The following DYSF variants were observed in gnomAD, a reference collection of about 807,000 sequenced individuals.
The protein encoded by DYSF is dystrophy-associated fer-1-like 1.
In DYSF, 212 loss-of-function variants were observed where a neutral mutation model predicts 274.9. That is an observed-to-expected ratio of 0.77 (90% CI 0.69 to 0.86). DYSF has a LOEUF of 0.86. DYSF is among the 40% of genes least tolerant of loss of function. DYSF has a pLI of 0.00. For missense variants in DYSF, 2,666 were observed against 2,783.2 expected (o/e 0.96, Z 0.95); for synonymous variants, 1,091 against 1,078.7 (o/e 1.01, Z -0.22).
chr2:71,546,423 T>G (rs1039260483), intron 17 of DYSF, among the ~76,000 whole-genome samples: 3 of 152,228 alleles, frequency 2.0e-5, no homozygotes, highest in African/African-American at 7.2e-5. Context: ...GTTTTTCTGT[T>G]TTTGTTTTTG....
intron 41 of DYSF, among the ~76,000 whole-genome samples, chr2:71,634,938 C>T (rs1266090397): frequency 6.6e-6 from 1 of 152,184 alleles, no homozygotes; most frequent in Admixed American, 6.5e-5. Context: ...TCAAGCCCTA[C>T]AGGGAGTGGG....
chr2:71,534,243 G>C (rs1055874625), intron 14 of DYSF, among the ~76,000 whole-genome samples: 4 of 152,238 alleles, frequency 2.6e-5, no homozygotes, highest in African/African-American at 9.6e-5. Flanking sequence ...GCTCTGAAAA[G>C]GCTGCTCATT....
chr2:71,631,702 C>G (rs1202571423), intron 41 of DYSF, among the ~76,000 whole-genome samples: 1 of 152,146 alleles, frequency 6.6e-6, no homozygotes, highest in African/African-American at 2.4e-5. Flanking sequence ...GGAAGCAGAG[C>G]ACATACTTCA....
At chr2:71,609,417 T>C (rs1267682018) in intron 36 of DYSF, among the ~76,000 whole-genome samples, 2 of 151,950 alleles carry the variant, frequency 1.3e-5, no homozygotes, top group East Asian at 3.9e-4. Context: ...TTCTAATGGC[T>C]CAGCTCTCTT....
intron 41 of DYSF, among the ~76,000 whole-genome samples, chr2:71,637,322 G>T (rs2094420270): frequency 6.6e-6 from 1 of 152,198 alleles, no homozygotes; most frequent in African/African-American, 2.4e-5. Context: ...GGTTGGCCTT[G>T]GGCTGGGGTG....
rs548143671 is a variant in DYSF, at chr2:71,599,064, G to A, written c.3756+319G>A. 4.3e-4 allele frequency among the ~76,000 whole-genome samples: 65 copies of A among 152,336 alleles called. 2 individuals are homozygous for A. In the South Asian group the frequency reaches 8.5e-3, roughly 20 times the overall value. ...TCCCTTCTTCTCATCGAGGAGCTGC[G>A]TGGAATCCTTAAATGTACATCAAAC... On this transcript the variant is annotated intron_variant, in intron 33 of 55. Coordinates refer to ENST00000410020, the MANE Select transcript of DYSF (RefSeq NM_001130987.2).
chr2:71,647,447 T>G (rs2094584299), intron 42 of DYSF, among the ~76,000 whole-genome samples: 1 of 152,192 alleles, frequency 6.6e-6, no homozygotes, highest in African/African-American at 2.4e-5. Flanking sequence ...GCTTAGAAAT[T>G]TAAAAAATAT....
intron 3 of DYSF, among the ~76,000 whole-genome samples, chr2:71,495,160 A>G (rs77599651): frequency 0.014 from 2,106 of 152,266 alleles, 46 homozygotes; most frequent in African/African-American, 0.044. Flanking sequence ...CCAAGCTCCA[A>G]CAATGCAGGG....
Position 71,567,902 on chromosome 2 carries a change from TC to T in DYSF, c.2566-47del, listed in dbSNP as rs748863897. 8 of 1,607,800 alleles carry T rather than the reference TC, an allele frequency of 5.0e-6. No homozygotes were observed. The East Asian group carries it at 1.8e-4, about 36-fold the overall frequency. Reference sequence around the variant, plus strand: ...TCCTCCCCAGCCTCTCACTGGGACATCCGGATCCTGAAGGGGACTGTGGGTT... The same window carrying T: ...TCCTCCCCAGCCTCTCACTGGGACATCGGATCCTGAAGGGGACTGTGGGTT... On this transcript the variant is annotated intron_variant, in intron 24 of 55. Transcript: ENST00000410020.
intron 1 of DYSF, among the ~76,000 whole-genome samples, chr2:71,476,703 A>C (rs1326946536): frequency 6.6e-6 from 1 of 152,122 alleles, no homozygotes; most frequent in Non-Finnish European, 1.5e-5. Flanking sequence ...TGTGTTGAGA[A>C]TGTTCTGTGT....
chr2:71,529,034 G>A (rs1451739965), intron 14 of DYSF, among the ~76,000 whole-genome samples: 1 of 151,948 alleles, frequency 6.6e-6, no homozygotes, highest in East Asian at 1.9e-4. Flanking sequence ...GTAGCTCTCC[G>A]AACCCTCCCT....
chr2:71,593,950 C>T (rs900353465), intron 32 of DYSF, among the ~76,000 whole-genome samples: 1 of 152,180 alleles, frequency 6.6e-6, no homozygotes, highest in African/African-American at 2.4e-5. Context: ...GATGCCACGT[C>T]ATTTATTAAT....
At chr2:71,661,182 T>C (rs1200439748) in intron 45 of DYSF, among the ~76,000 whole-genome samples, 1 of 150,804 alleles carries the variant, frequency 6.6e-6, no homozygotes, top group Non-Finnish European at 1.5e-5. Flanking sequence ...AAGATGCATT[T>C]GCTAATTCTT....
chr2:71,573,008 C>A (rs1265918618), intron 29 of DYSF, among the ~76,000 whole-genome samples: 1 of 152,204 alleles, frequency 6.6e-6, no homozygotes, highest in African/African-American at 2.4e-5. Flanking sequence ...CACACAGGGG[C>A]CTGTGCACTG....
intron 51 of DYSF, among the ~76,000 whole-genome samples, chr2:71,671,467 C>T (rs1252702771): frequency 6.6e-6 from 1 of 152,190 alleles, no homozygotes; most frequent in East Asian, 1.9e-4. Flanking sequence ...CCCGTGGCAC[C>T]CCCAGGGCTC....
chr2:71,598,821 T>C (rs2093470541), intron 33 of DYSF, 76 bp downstream of exon 33: 1 of 1,563,632 alleles, frequency 6.4e-7, no homozygotes, highest in Non-Finnish European at 8.7e-7. Flanking sequence ...CAGGGACTCG[T>C]GGCTGCCCAG....
In DYSF at chr2:71,665,182, G is replaced by A. The variant is rs779987458; in HGVS notation, c.5195G>A (p.Arg1732Gln). 9 of 1,613,850 alleles carry A rather than the reference G, an allele frequency of 5.6e-6. No individual in the cohort carries two copies. The highest frequency in any genetic ancestry group is 2.2e-5 in the East Asian group (1 of 44,868). The change falls in exon 47 of 56, where the codon CGG (arginine) becomes CAG (glutamine). Residue 1732 changes from arginine to glutamine, a missense_variant. Physicochemically the swap from Arg to Gln is conservative, Grantham distance 43. This residue lies in a region of DYSF where 1,460 missense variants were observed against 1,502.1 expected (regional missense o/e 0.97). Coordinates refer to ENST00000410020, the MANE Select transcript of DYSF (RefSeq NM_001130987.2). The part of the protein sequence containing the change: ...TYCVSGPNQW[R>Q]DQLRPSQLLH... ...CTCAGCTCTGGACCGAACCAGTGGC[G>A]GGACCAGCTCCGCCCCTCCCAGCTC...
chr2:71,663,624 A>AG (rs900642197), intron 45 of DYSF, among the ~76,000 whole-genome samples: 22 of 152,204 alleles, frequency 1.4e-4, no homozygotes, highest in Non-Finnish European at 2.6e-4. Flanking sequence ...AGCTCATTTT[A>AG]GGGGGAGAAG....
At chr2:71,532,877 T>G (rs1223864033) in intron 14 of DYSF, among the ~76,000 whole-genome samples, 1 of 150,336 alleles carries the variant, frequency 6.7e-6, no homozygotes, top group East Asian at 2.0e-4. Context: ...TCTATCTATC[T>G]ATCATGAAAA....
Sources: allele counts gnomAD v4.1 joint callset (sites outside exome capture counted in the v4.1 genomes callset), GRCh38; gene constraint gnomAD v4.1.1; regional missense constraint gnomAD v4.1.1; transcripts MANE v1.5; gene names NCBI Gene and HGNC (gene_info 2026-07-23, HGNC 2026-07-21).